The following IHO1 variants were observed in gnomAD, a reference collection of about 807,000 sequenced individuals.
The protein encoded by IHO1 is interactor of HORMAD1 1.
A neutral mutation model predicts 31.0 loss-of-function variants in IHO1; 13 were observed. That is an observed-to-expected ratio of 0.42 (90% CI 0.27 to 0.67). The LOEUF is 0.67. Ranked by LOEUF, IHO1 falls within the 30% of genes least tolerant of loss-of-function variation. IHO1 has a pLI of 0.24. For synonymous variants in IHO1, 221 were observed against 248.4 expected (o/e 0.89, Z 1.04); for missense variants, 599 against 687.5 (o/e 0.87, Z 1.44).
chr3:49,222,212 AG>A (rs1330606394), intron 2 of IHO1, among the ~76,000 whole-genome samples: 3 of 152,204 alleles, frequency 2.0e-5, no homozygotes, highest in African/African-American at 7.2e-5. Flanking sequence ...CCCTATAAGT[AG>A]GGGTATTAGT....
intron 6 of IHO1, among the ~76,000 whole-genome samples, chr3:49,251,330 G>A (rs1325555818): frequency 6.7e-6 from 1 of 149,702 alleles, no homozygotes; most frequent in African/African-American, 2.5e-5. Flanking sequence ...TCTGTCGCCA[G>A]GCTGGAGTGT....
intron 1 of IHO1, among the ~76,000 whole-genome samples, chr3:49,207,314 C>T (rs1432320630): frequency 2.0e-5 from 3 of 147,002 alleles, no homozygotes; most frequent in Non-Finnish European, 4.5e-5. Flanking sequence ...GGTGTGATCT[C>T]GGCTCACTGC....
chr3:49,200,120 G>T (rs1249608296), intron 1 of IHO1, among the ~76,000 whole-genome samples: 1 of 152,132 alleles, frequency 6.6e-6, no homozygotes, highest in African/African-American at 2.4e-5. Flanking sequence ...TTTTCTGCTA[G>T]AACTTTCTGC....
In IHO1 at chr3:49,220,950, C is replaced by T. The variant is rs1055070071; in HGVS notation, c.56+9114C>T. 5.3e-5 allele frequency among the ~76,000 whole-genome samples: 8 copies of T among 152,180 alleles called. No homozygotes were observed. In the East Asian group the frequency reaches 7.7e-4, roughly 15 times the overall value. ...ATCTTCCACAATGTGGAAGGGGACC[C>T]GAACGGGTTGCCGCTGCTGGCTCCA... On this transcript the variant is annotated intron_variant, in intron 2 of 7. Coordinates refer to ENST00000452691, the MANE Select transcript of IHO1 (RefSeq NM_001135197.2).
intron 3 of IHO1, among the ~76,000 whole-genome samples, chr3:49,239,823 G>C (rs1421116020): frequency 1.3e-5 from 2 of 151,446 alleles, no homozygotes; most frequent in African/African-American, 4.9e-5. Flanking sequence ...CACCACGCCT[G>C]GCTAATTTTG....
At position 49,257,490 on chromosome 3, in the gene IHO1, A is replaced by T. The variant is rs547663340; in HGVS notation, c.*208A>T. The T allele has an allele frequency of 9.6e-5, 52 of 541,506 alleles. No homozygotes were observed. The East Asian group carries it at 1.2e-3, about 12-fold the overall frequency. The allele number at this position is 541,506 out of a possible 1,614,324, so 33.5% of individuals were successfully genotyped here. A position where few individuals can be genotyped will look rare whatever the true frequency, so the allele number is the denominator to read the frequency against. ...ACAAGGATTAAGTGCATCCTTATTTATTGGAATGAAATGTGAAAATGGTGC... is the reference window on the plus strand; with the variant it reads ...ACAAGGATTAAGTGCATCCTTATTTTTTGGAATGAAATGTGAAAATGGTGC... On this transcript the variant is annotated 3_prime_UTR_variant, in exon 8 of 8. Transcript: ENST00000452691.
intron 1 of IHO1, among the ~76,000 whole-genome samples, chr3:49,205,795 G>C (rs1291624567): frequency 3.5e-5 from 5 of 144,230 alleles, no homozygotes; most frequent in African/African-American, 1.3e-4. Context: ...TGTGAGATGG[G>C]GTCTTGCTCT....
chr3:49,241,129 G>A lies in IHO1; in HGVS notation c.232-97G>A, dbSNP rs1006278938. 1.3e-5 allele frequency: 11 copies of A among 863,252 alleles called. No homozygotes were observed. In the Admixed American group the frequency reaches 3.6e-4, roughly 28 times the overall value. 53.5% of individuals were successfully genotyped at this position (863,252 alleles called of 1,614,324 possible). ...TTGCTATGTTACGTTACAGCAATAT[G>A]GTTTGCACTTAAATGTGACTCTGCA... On this transcript the variant is annotated intron_variant, in intron 3 of 7. Coordinates refer to ENST00000452691, the MANE Select transcript of IHO1 (RefSeq NM_001135197.2).
intron 1 of IHO1, among the ~76,000 whole-genome samples, chr3:49,201,592 C>T (rs934526535): frequency 6.6e-6 from 1 of 152,106 alleles, no homozygotes; most frequent in Admixed American, 6.5e-5. Context: ...CACTCCACTC[C>T]AGGCTGGTCG....
At chr3:49,237,239 T>A (rs1436863952) in intron 3 of IHO1, among the ~76,000 whole-genome samples, 1 of 151,954 alleles carries the variant, frequency 6.6e-6, no homozygotes, top group Non-Finnish European at 1.5e-5. Flanking sequence ...TCCCAGCTAC[T>A]CGGGAGGCTG....
At chr3:49,230,489 C>T (rs1444079953) in intron 2 of IHO1, among the ~76,000 whole-genome samples, 4 of 152,200 alleles carry the variant, frequency 2.6e-5, no homozygotes, top group African/African-American at 7.2e-5. Context: ...AGTGTTGTCA[C>T]AAGTCATGTT....
intron 4 of IHO1, among the ~76,000 whole-genome samples, chr3:49,242,030 G>A (rs1360709341): frequency 1.3e-5 from 2 of 151,810 alleles, no homozygotes; most frequent in Non-Finnish European, 2.9e-5. Context: ...TGAAACATCC[G>A]CCTCCTGGGT....
intron 2 of IHO1, among the ~76,000 whole-genome samples, chr3:49,218,128 G>GCCCCCATGAGCAGCTGCGCAGCTGGCTC (rs1559441059): frequency 6.6e-6 from 1 of 152,064 alleles, no homozygotes; most frequent in Non-Finnish European, 1.5e-5. Context: ...TGAGCTGGCT[G>GCCCCCATGAGCAGCTGCGCAGCTGGCTC]CCCCCATGAG....
intron 6 of IHO1, among the ~76,000 whole-genome samples, chr3:49,253,990 C>T (rs1428716874): frequency 2.6e-5 from 4 of 152,086 alleles, no homozygotes; most frequent in African/African-American, 7.2e-5. Context: ...CCCGCCGCCA[C>T]GCCTGGCTCA....
chr3:49,235,102 C>A (rs947372224), intron 2 of IHO1, among the ~76,000 whole-genome samples: 1 of 152,100 alleles, frequency 6.6e-6, no homozygotes, highest in African/African-American at 2.4e-5. Flanking sequence ...ACCTCGCCTC[C>A]CAAAGTGCTA....
intron 6 of IHO1, among the ~76,000 whole-genome samples, chr3:49,249,125 C>T (rs1428519220): frequency 6.6e-6 from 1 of 152,186 alleles, no homozygotes; most frequent in Non-Finnish European, 1.5e-5. Flanking sequence ...TCACTGTGGC[C>T]ATCTAATCTA....
intron 2 of IHO1, among the ~76,000 whole-genome samples, chr3:49,229,033 G>A (rs569314415): frequency 5.8e-4 from 89 of 152,170 alleles, no homozygotes; most frequent in African/African-American, 2.0e-3. Context: ...GACACAGAGT[G>A]CTGATTGGTG....
intron 1 of IHO1, among the ~76,000 whole-genome samples, chr3:49,201,831 T>C (rs1201603045): frequency 1.3e-5 from 2 of 152,078 alleles, no homozygotes; most frequent in Non-Finnish European, 2.9e-5. Context: ...GTTGGGAAGA[T>C]TGCTTGAGCC....
At chr3:49,248,714 C>T (rs771634558) in intron 6 of IHO1, among the ~76,000 whole-genome samples, 1 of 151,938 alleles carries the variant, frequency 6.6e-6, no homozygotes, top group Non-Finnish European at 1.5e-5. Flanking sequence ...GCAACAAGAG[C>T]GAAACTCTGT....
Sources: allele counts gnomAD v4.1 joint callset (sites outside exome capture counted in the v4.1 genomes callset), GRCh38; gene constraint gnomAD v4.1.1; transcripts MANE v1.5; gene names NCBI Gene and HGNC (gene_info 2026-07-23, HGNC 2026-07-21).